Variants in GPD2 observed in about 807,000 individuals in gnomAD.
The protein encoded by GPD2 is glycerol-3-phosphate dehydrogenase, mitochondrial.
In GPD2, 54 loss-of-function variants were observed where a neutral mutation model predicts 82.4. That is an observed-to-expected ratio of 0.66 (90% confidence interval 0.53 to 0.82). The LOEUF (loss-of-function observed/expected upper bound fraction) is 0.82, where lower values mean the gene tolerates loss of function less well. GPD2 is among the 40% of genes least tolerant of loss of function. The pLI is 0.00. For synonymous variants in GPD2, 288 were observed against 306.1 expected (o/e 0.94, Z 0.62); for missense variants, 748 against 896.2 (o/e 0.83, Z 2.11).
chr2:156,568,844 GGCA>G lies in GPD2; in HGVS notation c.1189_1191del (p.Ala397del). Reference sequence around the variant, plus strand: ...TACCAGTGAGAAGAGGGGATGTCCTGGCAGCATGGAGTGGAATCCGTCCTCTTG... The same window carrying G: ...TACCAGTGAGAAGAGGGGATGTCCTGGCATGGAGTGGAATCCGTCCTCTTG... On this transcript the variant is annotated inframe_deletion, in exon 10 of 17. Transcript: ENST00000438166. 1.2e-6 allele frequency: 2 copies of G among 1,612,694 alleles called. No individual in the cohort carries two copies. The highest frequency in any genetic ancestry group is 1.7e-6 in the Non-Finnish European group (2 of 1,178,918).
At chr2:156,465,685 A>C (rs1443729578) in intron 1 of GPD2, among the ~76,000 whole-genome samples, 1 of 152,104 alleles carries the variant, frequency 6.6e-6, no homozygotes, top group Non-Finnish European at 1.5e-5. Flanking sequence ...TGATTACTGA[A>C]GTAGATTCTG....
At chr2:156,462,351 T>C (rs1244408634) in intron 1 of GPD2, among the ~76,000 whole-genome samples, 1 of 152,100 alleles carries the variant, frequency 6.6e-6, no homozygotes, top group Non-Finnish European at 1.5e-5. Flanking sequence ...AATGGCGTGA[T>C]CTCGGCTCAC....
chr2:156,569,097 G>C, intron 10 of GPD2, 138 bp downstream of exon 10: 1 of 759,536 alleles, frequency 1.3e-6, no homozygotes, highest in Non-Finnish European at 2.2e-6. Flanking sequence ...CCAAAGTGTT[G>C]GGATTACAGG....
intron 6 of GPD2, among the ~76,000 whole-genome samples, chr2:156,545,566 C>A (rs771148674): frequency 3.9e-5 from 6 of 152,098 alleles, no homozygotes; most frequent in Non-Finnish European, 5.9e-5. Context: ...CTTTTTCTAA[C>A]AAATAGAGTT....
At chr2:156,530,545 C>T (rs1240723151) in intron 6 of GPD2, among the ~76,000 whole-genome samples, 1 of 150,208 alleles carries the variant, frequency 6.7e-6, no homozygotes, top group African/African-American at 2.4e-5. Flanking sequence ...TTTGCCCATT[C>T]AGTATGATAT....
chr2:156,410,712 G>T, the GPD2 span, among the ~76,000 whole-genome samples: 1 of 152,248 alleles, frequency 6.6e-6, no homozygotes, highest in East Asian at 1.9e-4. Context: ...TTTTACTCAT[G>T]TATGGCAAAG....
rs2105389438 is a variant in GPD2, at chr2:156,585,830, A to C, written c.*2912A>C. ...GTTTGCATCATGTCAACCTTTTTGA[A>C]GGAGTGAAAAAGCCCTACTATGTTT... On this transcript the variant is annotated 3_prime_UTR_variant, in exon 17 of 17. Transcript: ENST00000438166. 6.6e-6 allele frequency: 1 copy of C among 152,604 alleles called. No individual in the cohort carries two copies. The highest frequency in any genetic ancestry group is 2.1e-4 in the South Asian group (1 of 4,828). The allele number at this position is 152,604 out of a possible 1,614,324, so 9.5% of individuals were successfully genotyped here. A position where few individuals can be genotyped will look rare whatever the true frequency, so the allele number is the denominator to read the frequency against.
the GPD2 span, among the ~76,000 whole-genome samples, chr2:156,417,998 C>G: frequency 6.6e-6 from 1 of 152,072 alleles, no homozygotes; most frequent in African/African-American, 2.4e-5. Context: ...GGGCGGATCA[C>G]GAGGTCAGGA....
intron 7 of GPD2, among the ~76,000 whole-genome samples, chr2:156,550,387 T>G (rs1686711041): frequency 6.6e-6 from 1 of 152,232 alleles, no homozygotes; most frequent in Non-Finnish European, 1.5e-5. Flanking sequence ...GAAAGTGGAA[T>G]GCTTTTCTTT....
Position 156,503,186 on chromosome 2 carries a change from T to G in GPD2, c.274+6971T>G, listed in dbSNP as rs183647405. On this transcript the variant is annotated intron_variant, in intron 3 of 16. Coordinates refer to ENST00000438166, the MANE Select transcript of GPD2 (RefSeq NM_000408.5). ...GTCAAGAGAAGCTTGTCAACCTCCTTGCACAAGAGGCAGAGACTTTCTTCA... is the reference window on the plus strand; with the variant it reads ...GTCAAGAGAAGCTTGTCAACCTCCTGGCACAAGAGGCAGAGACTTTCTTCA... 1.8e-3 allele frequency among the ~76,000 whole-genome samples: 280 copies of G among 152,320 alleles called. 1 individual carries two copies. The highest frequency in any genetic ancestry group is 3.5e-3 in the Non-Finnish European group (241 of 68,018).
chr2:156,426,303 A>AT, the GPD2 span, among the ~76,000 whole-genome samples: 1 of 152,230 alleles, frequency 6.6e-6, no homozygotes, highest in African/African-American at 2.4e-5. Context: ...AAAACTTACA[A>AT]TCACGGCAGA....
chr2:156,499,856 C>T (rs1375940030), intron 3 of GPD2, among the ~76,000 whole-genome samples: 3 of 149,036 alleles, frequency 2.0e-5, no homozygotes, highest in Non-Finnish European at 3.0e-5. Flanking sequence ...CAATCAAGTT[C>T]TGAACCAGCT....
the GPD2 span, among the ~76,000 whole-genome samples, chr2:156,410,207 G>A: frequency 6.6e-6 from 1 of 152,210 alleles, no homozygotes; most frequent in Non-Finnish European, 1.5e-5. Context: ...ACACATGCGG[G>A]TGAATACTCA....
chr2:156,577,918 T>G (rs1355403014), intron 13 of GPD2, among the ~76,000 whole-genome samples: 1 of 152,182 alleles, frequency 6.6e-6, no homozygotes, highest in Non-Finnish European at 1.5e-5. Context: ...ATGAAAGCTT[T>G]TACTCAAAAG....
At chr2:156,418,744 C>T in the GPD2 span, among the ~76,000 whole-genome samples, 1 of 151,916 alleles carries the variant, frequency 6.6e-6, no homozygotes, top group Non-Finnish European at 1.5e-5. Context: ...TCCTGGTGTA[C>T]GTTATGGGAG....
the GPD2 span, among the ~76,000 whole-genome samples, chr2:156,414,212 G>A: frequency 6.6e-6 from 1 of 152,096 alleles, no homozygotes; most frequent in Non-Finnish European, 1.5e-5. Context: ...TGTCATCAAT[G>A]TATTCTTATT....
At chr2:156,521,928 C>G (rs1160104581) in intron 6 of GPD2, among the ~76,000 whole-genome samples, 1 of 152,206 alleles carries the variant, frequency 6.6e-6, no homozygotes, top group Non-Finnish European at 1.5e-5. Context: ...CTATGAGTTA[C>G]ATAAATGAAA....
At position 156,476,137 on chromosome 2, in the gene GPD2, T is replaced by C. The variant is rs1683502199; in HGVS notation, c.32T>C (p.Ile11Thr). 6.2e-7 allele frequency: 1 copy of C among 1,610,578 alleles called. No individual in the cohort carries two copies. Among genetic ancestry groups the C allele is most frequent in the Non-Finnish European group, 8.5e-7 (1 of 1,176,822 alleles). The change falls in exon 2 of 17, where the codon ATT becomes ACT. Residue 11 changes from isoleucine (I) to threonine (T), a missense_variant. Physicochemically the swap from Ile to Thr is moderately conservative, Grantham distance 89. This residue lies in a region of GPD2 where 692 missense variants were observed against 809.7 expected (regional missense o/e 0.85). Coordinates refer to ENST00000438166, the MANE Select transcript of GPD2 (RefSeq NM_000408.5). ...TTTCAAAAGGCAGTGAAAGGGACGA[T>C]TCTTGTTGGAGGAGGTGCTCTTGCA... MAFQKAVKGT[I>T]LVGGGALATV...
intron 3 of GPD2, among the ~76,000 whole-genome samples, chr2:156,506,713 C>T (rs1684796929): frequency 6.6e-6 from 1 of 152,146 alleles, no homozygotes. Flanking sequence ...TTATATGACA[C>T]TGGTCCTCCA....
Sources: gnomAD v4.1 joint callset for allele counts (sites outside exome capture counted in the v4.1 genomes callset) on GRCh38, gnomAD v4.1.1 for gene constraint, gnomAD v4.1.1 regional missense constraint, MANE v1.5 for transcripts, NCBI Gene and HGNC (gene_info 2026-07-23, HGNC 2026-07-21) for gene names.